UGT1A7: variants seen among roughly 807,000 people sequenced by gnomAD.
UGT1A7 encodes UDP-glucuronosyltransferase 1A7.
Under a neutral mutation model 45.6 loss-of-function variants are expected in UGT1A7, and 33 were observed. The ratio of observed to expected loss-of-function variants is 0.72; its 90% CI spans 0.55 to 0.97. The LOEUF (loss-of-function observed/expected upper bound fraction) is 0.97. Ranked by LOEUF, UGT1A7 falls within the 50% of genes least tolerant of loss-of-function variation. The pLI is 0.00. For synonymous variants in UGT1A7, 274 were observed against 250.6 expected (o/e 1.09, Z -0.88); for missense variants, 684 against 666.2 (o/e 1.03, Z -0.29).
In UGT1A7 at chr2:233,722,286, T is replaced by C. The variant is rs567045948; in HGVS notation, c.855+39494T>C. 3.3e-5 allele frequency among the ~76,000 whole-genome samples: 5 copies of C among 152,342 alleles called. No homozygotes were observed. In the South Asian group the frequency reaches 8.3e-4, roughly 25 times the overall value. Reference sequence around the variant, plus strand: ...ATCATTTTTATTACATTGATTTCCTTTGTTATTTTGTCACCCTTACTTACT... The same window carrying C: ...ATCATTTTTATTACATTGATTTCCTCTGTTATTTTGTCACCCTTACTTACT... On this transcript the variant is annotated intron_variant, in intron 1 of 4. Transcript: ENST00000373426.
At chr2:233,735,919 C>A (rs2078709385) in intron 1 of UGT1A7, among the ~76,000 whole-genome samples, 1 of 152,156 alleles carries the variant, frequency 6.6e-6, no homozygotes, top group South Asian at 2.1e-4. Context: ...GTAACCCGAC[C>A]TTTCTCTGTG....
In UGT1A7 at chr2:233,767,864, A is replaced by T; in HGVS notation, c.1003A>T (p.Thr335Ser). The change falls in exon 3 of 5, where the codon ACT (threonine) becomes TCT (serine). Residue 335 changes from threonine to serine, a missense_variant. Thr to Ser is a moderately conservative substitution (Grantham distance 58). Coordinates refer to ENST00000373426, the MANE Select transcript of UGT1A7 (RefSeq NM_019077.3). The part of the protein sequence containing the change: ...KIPQTVLWRY[T>S]GTRPSNLANN... Reference sequence around the variant, plus strand: ...CCCCTCCCAGGTCCTGTGGCGGTACACTGGAACCCGACCATCGAATCTTGC... The same window carrying T: ...CCCCTCCCAGGTCCTGTGGCGGTACTCTGGAACCCGACCATCGAATCTTGC... 1 of 1,614,144 alleles carries T rather than the reference A, an allele frequency of 6.2e-7. No individual in the cohort carries two copies. Among genetic ancestry groups the T allele is most frequent in the Non-Finnish European group, 8.5e-7 (1 of 1,180,042 alleles).
chr2:233,719,552 A>G (rs2076779891), intron 1 of UGT1A7: 8 of 1,613,748 alleles, frequency 5.0e-6, no homozygotes, highest in South Asian at 4.4e-5. Context: ...GAGAGGTGTC[A>G]GTGGTGGATC....
chr2:233,723,051 G>C (rs1327620442), intron 1 of UGT1A7, among the ~76,000 whole-genome samples: 1 of 141,468 alleles, frequency 7.1e-6, no homozygotes, highest in African/African-American at 2.7e-5. Flanking sequence ...GGCACACTCG[G>C]TGTAACTTTA....
chr2:233,705,322 A>C (rs144397415), intron 1 of UGT1A7, among the ~76,000 whole-genome samples: 9 of 152,304 alleles, frequency 5.9e-5, no homozygotes, highest in South Asian at 2.1e-4. Flanking sequence ...GTTTTTCAGC[A>C]ACACATTCTC....
chr2:233,721,017 C>G (rs1165667415), intron 1 of UGT1A7, among the ~76,000 whole-genome samples: 1 of 151,958 alleles, frequency 6.6e-6, no homozygotes, highest in Non-Finnish European at 1.5e-5. Flanking sequence ...AGTGAGGGAG[C>G]CATCTTTCTT....
chr2:233,770,451 C>T (rs565936223), intron 4 of UGT1A7: 5 of 152,088 alleles, frequency 3.3e-5, no homozygotes, highest in Admixed American at 1.3e-4. Flanking sequence ...GTTAGGAGTT[C>T]GAAACCAACC....
chr2:233,683,583 G>T (rs553617968), intron 1 of UGT1A7, among the ~76,000 whole-genome samples: 1 of 152,172 alleles, frequency 6.6e-6, no homozygotes, highest in South Asian at 2.1e-4. Context: ...TCCTACTCAA[G>T]AATATGAATC....
intron 1 of UGT1A7, among the ~76,000 whole-genome samples, chr2:233,697,785 G>A (rs143859460): frequency 1.6e-4 from 24 of 151,958 alleles, no homozygotes; most frequent in African/African-American, 4.1e-4. Context: ...ATTTTCATTC[G>A]TTTCAAGTAA....
chr2:233,755,205 G>C (rs1172737819), intron 1 of UGT1A7: 1 of 1,079,818 alleles, frequency 9.3e-7, no homozygotes, highest in East Asian at 4.8e-5. Flanking sequence ...CTTGCGGTAC[G>C]CCTTCTTGAT....
intron 4 of UGT1A7, among the ~76,000 whole-genome samples, 194 bp from the exon 5 acceptor site, chr2:233,772,068 G>T (rs906285664): frequency 3.9e-5 from 6 of 152,160 alleles, no homozygotes; most frequent in Non-Finnish European, 8.8e-5. Flanking sequence ...AGCCATGCTT[G>T]TGCCACTACA....
At chr2:233,748,122 C>T (rs1693872650) in intron 1 of UGT1A7, 8 of 1,610,986 alleles carry the variant, frequency 5.0e-6, no homozygotes, top group Non-Finnish European at 8.5e-7. Context: ...CCAGGCAAAA[C>T]AGTTTTTAAA....
intron 1 of UGT1A7, among the ~76,000 whole-genome samples, chr2:233,733,320 C>T (rs2078379887): frequency 6.6e-6 from 1 of 152,134 alleles, no homozygotes; most frequent in African/African-American, 2.4e-5. Flanking sequence ...TGCCTGATTG[C>T]CCTGGCCAGA....
intron 1 of UGT1A7, chr2:233,713,629 A>T: frequency 1.2e-6 from 2 of 1,613,982 alleles, no homozygotes; most frequent in Non-Finnish European, 1.7e-6. Context: ...AGGGTCAAGA[A>T]CATGCTCTAC....
intron 1 of UGT1A7, among the ~76,000 whole-genome samples, chr2:233,759,177 G>A (rs926803147): frequency 1.3e-5 from 2 of 152,142 alleles, no homozygotes; most frequent in East Asian, 1.9e-4. Flanking sequence ...CAGGTTTCAC[G>A]GCAAAAAGTT....
intron 1 of UGT1A7, among the ~76,000 whole-genome samples, chr2:233,757,557 T>C (rs1380539575): frequency 8.0e-6 from 1 of 124,464 alleles, no homozygotes; most frequent in Non-Finnish European, 1.7e-5. Context: ...TATATATATA[T>C]ATATGTATAT....
chr2:233,710,310 G>C (rs566439380), intron 1 of UGT1A7, among the ~76,000 whole-genome samples: 1 of 152,308 alleles, frequency 6.6e-6, no homozygotes, highest in Non-Finnish European at 1.5e-5. Flanking sequence ...TGCATGGTAG[G>C]TGTATGTATG....
At chr2:233,746,121 A>T (rs1693307718) in intron 1 of UGT1A7, among the ~76,000 whole-genome samples, 1 of 151,800 alleles carries the variant, frequency 6.6e-6, no homozygotes, top group Non-Finnish European at 1.5e-5. Context: ...TGTCTGCAAA[A>T]CTGTGGACTG....
chr2:233,713,254 A>T (rs1466031598), intron 1 of UGT1A7: 2 of 1,614,136 alleles, frequency 1.2e-6, no homozygotes, highest in Non-Finnish European at 1.7e-6. Flanking sequence ...ACCCAGGACG[A>T]ATTTGATCGC....
Sources: gnomAD v4.1 joint callset for allele counts (sites outside exome capture counted in the v4.1 genomes callset) on GRCh38, gnomAD v4.1.1 for gene constraint, MANE v1.5 for transcripts, NCBI Gene and HGNC (gene_info 2026-07-23, HGNC 2026-07-21) for gene names.